LTBP2: variants seen among roughly 807,000 people sequenced by gnomAD.
LTBP2 encodes the protein latent transforming growth factor beta binding protein 2.
Under a neutral mutation model 210.6 loss-of-function variants are expected in LTBP2, and 103 were observed. The ratio of observed to expected loss-of-function variants is 0.49; its 90% CI spans 0.42 to 0.58. The LOEUF (loss-of-function observed/expected upper bound fraction) is 0.58, where lower values mean the gene tolerates loss of function less well. LTBP2 is among the 20% of genes least tolerant of loss of function. LTBP2 has a pLI of 0.00. For synonymous variants in LTBP2, 1,007 were observed against 1,015.0 expected, an observed-to-expected ratio of 0.99 and a Z score of 0.15; for missense variants, 2,313 against 2,494.5, an observed-to-expected ratio of 0.93 and a Z score of 1.55.
rs1326833177 is a variant in LTBP2 at position 74,516,894 on chromosome 14, T to C, written c.2836A>G (p.Thr946Ala). 5 of 1,551,854 alleles carry C rather than the reference T, an allele frequency of 3.2e-6. No individual in the cohort carries two copies. The Admixed American group carries it at 9.8e-5, about 30-fold the overall frequency. ...QPGVCSGGQC[T>A]NTEGSYHCEC... ...CAGTGGTACGAGCCCTCGGTGTTGG[T>C]GCACTGCCCCCCGCTGCACACCCCT... The change falls in exon 18 of 36, where the codon ACC becomes GCC. Residue 946 changes from threonine (T) to alanine (A), a missense_variant. Physicochemically the swap from Thr to Ala is moderately conservative, Grantham distance 58. Coordinates refer to ENST00000261978, the MANE Select transcript of LTBP2 (RefSeq NM_000428.3).
rs770329541 is a variant in LTBP2, at chr14:74,552,278, C to T, written c.1308G>A (p.Arg436=). The change falls in exon 6 of 36, where the codon AGG becomes AGA. Residue 436 remains arginine (R), a synonymous_variant. Coordinates refer to ENST00000261978, the MANE Select transcript of LTBP2 (RefSeq NM_000428.3). The stretch of plus-strand genomic sequence containing the variant: ...GGCGGGACCCCCTCCCTGGAGGCTC[C>T]CTGTCCGGCTGCGGGATAGGCAGGT... ...FCHLPIPQPD[R]EPPGRGSRPR... is the part of the protein sequence containing the mutation. The T allele has an allele frequency of 9.3e-6, 15 of 1,613,266 alleles. No homozygotes were observed. In the South Asian group the frequency reaches 1.6e-4, roughly 18 times the overall value.
chr14:74,563,278 C>T (rs2087819364), intron 3 of LTBP2, among the ~76,000 whole-genome samples: 2 of 152,234 alleles, frequency 1.3e-5, no homozygotes, highest in African/African-American at 4.8e-5. Context: ...AAATCACACA[C>T]ACTGGAATCC....
rs1555348046 is a variant in LTBP2 at position 74,509,657 on chromosome 14, G to A, written c.3277+77C>T. On this transcript the variant is annotated intron_variant, in intron 21 of 35. Transcript: ENST00000261978. ...GCCCCTCGGCATCAGCCCCAAACTGGGGACAAATTGAGTGTTCTTTGGGAG... is the reference window on the plus strand; with the variant it reads ...GCCCCTCGGCATCAGCCCCAAACTGAGGACAAATTGAGTGTTCTTTGGGAG... 2.5e-6 allele frequency: 4 copies of A among 1,603,856 alleles called. No homozygotes were observed. The South Asian group carries it at 4.5e-5, about 18-fold the overall frequency.
intron 1 of LTBP2, among the ~76,000 whole-genome samples, chr14:74,607,914 GTT>G (rs1403931240): frequency 4.3e-5 from 6 of 139,854 alleles, no homozygotes; most frequent in South Asian, 2.3e-4. Context: ...ACTAGACTAT[GTT>G]TTTTTTTTTT....
In LTBP2 at chr14:74,505,061, T is replaced by C. The variant is rs777428825; in HGVS notation, c.4291A>G (p.Thr1431Ala). Residue 1431 changes from threonine (T) to alanine (A), a missense_variant, in exon 29 of 36, where the codon ACC becomes GCC. Transcript: ENST00000261978. ...GTGCAGCAGCATTCAGCCTGTGTGG[T>C]GTTCCGGCCCAGGACACTGGAGCAG... The part of the protein sequence containing the change: ...APCSSVLGRN[T>A]TQAECCCTQG... The C allele has an allele frequency of 1.9e-6, 3 of 1,614,116 alleles. No individual in the cohort carries two copies. In the East Asian group the frequency reaches 6.7e-5, roughly 36 times the overall value.
At chr14:74,605,398 A>G (rs574692968) in intron 1 of LTBP2, among the ~76,000 whole-genome samples, 164 of 152,034 alleles carry the variant, frequency 1.1e-3, no homozygotes, top group South Asian at 4.0e-3. Flanking sequence ...GCCACCTCAA[A>G]GCCTCTCTGG....
At chr14:74,505,906 G>T in intron 28 of LTBP2, 142 bp downstream of exon 28, 3 of 1,168,264 alleles carry the variant, frequency 2.6e-6, no homozygotes, top group African/African-American at 1.5e-5. Flanking sequence ...CATGCACCAG[G>T]CCCCGCCTGC....
rs1254998108 is a variant in LTBP2, at chr14:74,502,978, C to A, written c.4889-44G>T. 3.7e-6 allele frequency: 6 copies of A among 1,603,288 alleles called. No homozygotes were observed. In the Admixed American group the frequency reaches 1.0e-4, roughly 27 times the overall value. ...AGAAGGAGCTGGGTTCTAGCTCCTG[C>A]CAGCTAAAGCCTGGCTGGCTTTGTC... On this transcript the variant is annotated intron_variant, in intron 33 of 35. Transcript: ENST00000261978.
chr14:74,528,655 G>A lies in LTBP2; in HGVS notation c.2196C>T (p.Tyr732=), dbSNP rs571079258. ...TGGACAGGCGGATGTCGGAGCTCGC[G>A]TAGGTGTAGCCGTGGCCGGCAGGGC... ...EICPAGHGYT[Y]ASSDIRLSMR... is the part of the protein sequence containing the mutation. The change falls in exon 12 of 36, where the codon TAC becomes TAT. Residue 732 remains tyrosine (Y), a synonymous_variant. Transcript: ENST00000261978. The A allele has an allele frequency of 6.8e-6, 11 of 1,613,196 alleles. No homozygotes were observed. The highest frequency in any genetic ancestry group is 2.2e-5 in the South Asian group (2 of 91,084).
At chr14:74,538,264 C>A (rs1444713411) in intron 8 of LTBP2, among the ~76,000 whole-genome samples, 1 of 152,156 alleles carries the variant, frequency 6.6e-6, no homozygotes, top group Admixed American at 6.5e-5. Flanking sequence ...TAATGGCCTA[C>A]ATCAATCTGT....
chr14:74,536,080 T>C (rs1461905876), intron 8 of LTBP2, 80 bp from the exon 9 acceptor site: 2 of 1,238,450 alleles, frequency 1.6e-6, no homozygotes, highest in Non-Finnish European at 2.4e-6. Context: ...GCGGGTGCAG[T>C]CTGGATGTCC....
intron 8 of LTBP2, among the ~76,000 whole-genome samples, chr14:74,540,839 T>TTGTATATAA (rs2087491128): frequency 1.1e-4 from 2 of 17,752 alleles, no homozygotes; most frequent in African/African-American, 1.5e-4. Context: ...TAATATATAT[T>TTGTATATAA]TATATATATT....
chr14:74,506,236 C>T (rs758498769), intron 27 of LTBP2, 45 bp from the exon 28 acceptor site: 37 of 1,613,490 alleles, frequency 2.3e-5, no homozygotes, highest in Non-Finnish European at 2.5e-5. Flanking sequence ...AGAGGCAGCC[C>T]GTGCCCCCTG....
intron 2 of LTBP2, among the ~76,000 whole-genome samples, chr14:74,594,057 G>A (rs1481443721): frequency 1.3e-5 from 2 of 152,124 alleles, no homozygotes; most frequent in Admixed American, 6.5e-5. Flanking sequence ...CCTGTGGCTA[G>A]AAAAGGCCCA....
At chr14:74,609,133 A>T (rs2088570881) in intron 1 of LTBP2, among the ~76,000 whole-genome samples, 1 of 152,208 alleles carries the variant, frequency 6.6e-6, no homozygotes, top group South Asian at 2.1e-4. Context: ...GCCTGACTAG[A>T]AGCCATTAGC....
intron 15 of LTBP2, among the ~76,000 whole-genome samples, chr14:74,524,147 C>G (rs1260642049): frequency 6.6e-6 from 1 of 152,138 alleles, no homozygotes; most frequent in Non-Finnish European, 1.5e-5. Context: ...CCCCCTGCCC[C>G]CTGCTTCCCA....
At chr14:74,527,264 G>A in intron 13 of LTBP2, 83 bp downstream of exon 13, 1 of 1,510,268 alleles carries the variant, frequency 6.6e-7, no homozygotes, top group Non-Finnish European at 9.1e-7. Context: ...TCCCTCATGA[G>A]ACACTGCCCT....
chr14:74,500,646 C>A lies in LTBP2; in HGVS notation c.*238G>T. 5.0e-6 allele frequency: 3 copies of A among 597,454 alleles called. No individual in the cohort carries two copies. In the East Asian group the frequency reaches 8.7e-5, roughly 17 times the overall value. The allele number at this position is 597,454 out of a possible 1,614,324, so 37.0% of individuals were successfully genotyped here. On this transcript the variant is annotated 3_prime_UTR_variant, in exon 36 of 36. Coordinates refer to ENST00000261978, the MANE Select transcript of LTBP2 (RefSeq NM_000428.3). ...AGGCCAGGAAAGGTGGTGGACAGGG[C>A]CTCATGCGGTGGCTGAAGCATTAAA...
Position 74,509,368 on chromosome 14 carries a change from A to G in LTBP2, c.3278-5T>C. On this transcript the variant is annotated splice_polypyrimidine_tract_variant and splice_region_variant and intron_variant, in intron 21 of 35. Coordinates refer to ENST00000261978, the MANE Select transcript of LTBP2 (RefSeq NM_000428.3). ...GGAAGGCACACTCATCTAGGTCTGC[A>G]GACAGACAGCGCTCGCCCGGGGACC... 2 of 1,613,238 alleles carry G rather than the reference A, an allele frequency of 1.2e-6. No homozygotes were observed. The highest frequency in any genetic ancestry group is 1.7e-6 in the Non-Finnish European group (2 of 1,179,928).
Sources: allele counts gnomAD v4.1 joint callset (sites outside exome capture counted in the v4.1 genomes callset), GRCh38; gene constraint gnomAD v4.1.1; transcripts MANE v1.5; gene names NCBI Gene and HGNC (gene_info 2026-07-23, HGNC 2026-07-21).